The following CFAP47 variants were observed in gnomAD, a reference collection of about 807,000 sequenced individuals.
CFAP47 encodes cilia and flagella associated protein 47, also known as cilia- and flagella-associated protein 47.
Under a neutral mutation model 148.1 loss-of-function variants are expected in CFAP47, and 29 were observed. That is an observed-to-expected ratio of 0.20 (90% confidence interval 0.15 to 0.27). The LOEUF (loss-of-function observed/expected upper bound fraction) is 0.27. CFAP47 is among the 10% of genes least tolerant of loss of function. The pLI, the probability that CFAP47 is intolerant of heterozygous loss-of-function variation, is 1.00. For synonymous variants in CFAP47, 664 were observed against 577.3 expected, an observed-to-expected ratio of 1.15 and a Z score of -2.15; for missense variants, 1,872 against 1,697.5, an observed-to-expected ratio of 1.10 and a Z score of -1.81.
intron 2 of CFAP47, 144 bp from the exon 3 acceptor site, chrX:35,941,139 G>T: frequency 2.8e-6 from 1 of 358,328 alleles, no homozygotes; most frequent in Non-Finnish European, 4.9e-6. Flanking sequence ...TCCTTTTATT[G>T]ACAAACATGC....
intron 56 of CFAP47, among the ~76,000 whole-genome samples, chrX:36,312,706 T>C (rs1433983481): frequency 1.8e-5 from 2 of 111,946 alleles, no homozygotes; most frequent in African/African-American, 6.5e-5. Context: ...TGCTGTACAT[T>C]TCTTTCTGCT....
At chrX:36,139,630 A>G (rs1394062277) in intron 35 of CFAP47, among the ~76,000 whole-genome samples, 1 of 111,512 alleles carries the variant, frequency 9.0e-6, no homozygotes, top group Non-Finnish European at 1.9e-5. Flanking sequence ...TTTAAACATA[A>G]TAAGCTGATG....
At position 36,173,248 on chromosome X, in the gene CFAP47, C is replaced by A. The variant is rs758094035; in HGVS notation, c.6027-6097C>A. Among the ~76,000 whole-genome samples, 537 of 111,383 alleles carry A rather than the reference C, an allele frequency of 4.8e-3. 1 individual carries two copies. The highest frequency in any genetic ancestry group is 0.017 in the African/African-American group (510 of 30,643). On this transcript the variant is annotated intron_variant, in intron 39 of 63. Transcript: ENST00000378653. ...AATTTTGTTGATCCTTTCAAAAAAC[C>A]AGCTCCTGGATTCGTTAATTTTTTG... is the stretch of plus-strand genomic sequence containing the variant.
rs192446421 is a variant in CFAP47, at chrX:36,124,105, G to A, written c.5321-13853G>A. On this transcript the variant is annotated intron_variant, in intron 33 of 63. Transcript: ENST00000378653. ...GTCCAGGAGCTGAGTTCTAGAAAGAGGACCTCACAACTCTGAAAAGTTCCT... is the reference window on the plus strand; with the variant it reads ...GTCCAGGAGCTGAGTTCTAGAAAGAAGACCTCACAACTCTGAAAAGTTCCT... Among the ~76,000 whole-genome samples the A allele has an allele frequency of 7.2e-5, 8 of 111,491 alleles. No individual in the cohort carries two copies. In the East Asian group the frequency reaches 1.7e-3, roughly 24 times the overall value.
intron 49 of CFAP47, among the ~76,000 whole-genome samples, chrX:36,278,315 G>T (rs1285464946): frequency 8.9e-6 from 1 of 112,265 alleles, no homozygotes. Flanking sequence ...CCCTCCCCCT[G>T]CCAGGCTGCT....
chrX:36,321,446 A>G (rs946343633), intron 57 of CFAP47, among the ~76,000 whole-genome samples: 3 of 111,722 alleles, frequency 2.7e-5, no homozygotes, highest in South Asian at 7.5e-4. Context: ...AGAATGAATA[A>G]GTTCTGGTAT....
At chrX:36,007,754 C>A (rs1257742548) in intron 21 of CFAP47, among the ~76,000 whole-genome samples, 2 of 111,601 alleles carry the variant, frequency 1.8e-5, no homozygotes, top group South Asian at 7.6e-4. Context: ...GAAGACAAGT[C>A]CAGTATGACT....
At position 36,087,601 on chromosome X, in the gene CFAP47, C is replaced by T. The variant is rs749029201; in HGVS notation, c.4916+2063C>T. On this transcript the variant is annotated intron_variant, in intron 30 of 63. Transcript: ENST00000378653. ...CATCTTAAGGGCAGAAACCACATCT[C>T]ATTCATCTGGAATTTCTAACACCCA... is the stretch of plus-strand genomic sequence containing the variant. 1.1e-4 allele frequency among the ~76,000 whole-genome samples: 12 copies of T among 112,123 alleles called. No individual in the cohort carries two copies. In the South Asian group the frequency reaches 4.0e-3, roughly 38 times the overall value.
At chrX:36,319,028 T>C (rs1209227126) in intron 56 of CFAP47, among the ~76,000 whole-genome samples, 181 bp from the exon 57 acceptor site, 2 of 111,967 alleles carry the variant, frequency 1.8e-5, no homozygotes, top group East Asian at 5.6e-4. Context: ...TAAAACCATT[T>C]ATATTATTAA....
chrX:36,335,149 C>T (rs1556014654), intron 57 of CFAP47, among the ~76,000 whole-genome samples: 1 of 110,715 alleles, frequency 9.0e-6, no homozygotes, highest in Non-Finnish European at 1.9e-5. Flanking sequence ...AACAAAATAA[C>T]TCTCTCTCTC....
chrX:35,929,093 G>A (rs1175978330), intron 2 of CFAP47, among the ~76,000 whole-genome samples: 1 of 110,438 alleles, frequency 9.1e-6, no homozygotes, highest in African/African-American at 3.3e-5. Flanking sequence ...AATTCCTCAC[G>A]TGTTATTCTT....
rs184018242 is a variant in CFAP47, at chrX:36,097,120, A to G, written c.4917-1673A>G. The stretch of plus-strand genomic sequence containing the variant: ...GCAAACAAAAAAGAAACAAGCGAAA[A>G]GAAAACTAATAAAGACTCTACACCT... On this transcript the variant is annotated intron_variant, in intron 30 of 63. Transcript: ENST00000378653. Among the ~76,000 whole-genome samples, 7 of 111,898 alleles carry G rather than the reference A, an allele frequency of 6.3e-5. No homozygotes were observed. In the East Asian group the frequency reaches 1.4e-3, roughly 23 times the overall value.
intron 22 of CFAP47, among the ~76,000 whole-genome samples, chrX:36,027,625 G>A (rs1458184188): frequency 9.0e-6 from 1 of 110,893 alleles, no homozygotes; most frequent in Non-Finnish European, 1.9e-5. Context: ...TCCAACATGT[G>A]CAGGTGTCTT....
chrX:36,006,291 G>A (rs1465674966), intron 21 of CFAP47, among the ~76,000 whole-genome samples: 2 of 111,081 alleles, frequency 1.8e-5, no homozygotes, highest in African/African-American at 3.3e-5. Context: ...TCTGTGAAGT[G>A]CCACACTTTG....
At chrX:36,085,230 T>C (rs1337555009) in intron 29 of CFAP47, 84 bp from the exon 30 acceptor site, 1 of 554,880 alleles carries the variant, frequency 1.8e-6, no homozygotes, top group African/African-American at 2.3e-5. Flanking sequence ...GAGTTTCATT[T>C]AGTCATTGAA....
chrX:36,317,283 C>T (rs1941442295), intron 56 of CFAP47, among the ~76,000 whole-genome samples: 1 of 111,735 alleles, frequency 8.9e-6, no homozygotes, highest in Non-Finnish European at 1.9e-5. Context: ...CTCCCAGAAC[C>T]TAAAAATCCC....
chrX:36,371,477 C>G (rs1198698921), intron 62 of CFAP47, among the ~76,000 whole-genome samples: 3 of 105,568 alleles, frequency 2.8e-5, no homozygotes, highest in Non-Finnish European at 5.9e-5. Flanking sequence ...ATTAAGAAAA[C>G]TAATTGTAGG....
chrX:36,288,755 AGG>A (rs1941159999), intron 51 of CFAP47, among the ~76,000 whole-genome samples: 1 of 111,241 alleles, frequency 9.0e-6, no homozygotes, highest in Non-Finnish European at 1.9e-5. Flanking sequence ...AAGTGAGACC[AGG>A]TGCGGTGGCT....
intron 17 of CFAP47, among the ~76,000 whole-genome samples, chrX:35,992,181 A>G (rs772171484): frequency 5.4e-5 from 6 of 110,491 alleles, no homozygotes; most frequent in Non-Finnish European, 9.5e-5. Flanking sequence ...ATTTGGTTTT[A>G]TTGAAAAAAT....
Sources: gnomAD v4.1 joint callset for allele counts (sites outside exome capture counted in the v4.1 genomes callset) on GRCh38, gnomAD v4.1.1 for gene constraint, MANE v1.5 for transcripts, NCBI Gene and HGNC (gene_info 2026-07-23, HGNC 2026-07-21) for gene names.